SLC24A4: variants seen among roughly 807,000 people sequenced by gnomAD.
SLC24A4 encodes the protein sodium/potassium/calcium exchanger 4.
In SLC24A4, 53 loss-of-function variants were observed where a neutral mutation model predicts 79.0. The observed-to-expected ratio is 0.67, with a 90% CI of 0.54 to 0.84. SLC24A4 has a LOEUF of 0.84. Ranked by LOEUF, SLC24A4 falls within the 40% of genes least tolerant of loss-of-function variation. The pLI is 0.00. For synonymous variants in SLC24A4, 323 were observed against 323.8 expected (o/e 1.00, Z 0.03); for missense variants, 731 against 822.0 (o/e 0.89, Z 1.35).
chr14:92,405,420 C>A (rs1351673408), intron 2 of SLC24A4, among the ~76,000 whole-genome samples: 2 of 152,220 alleles, frequency 1.3e-5, no homozygotes, highest in Non-Finnish European at 2.9e-5. Context: ...ATGAGCCTCA[C>A]TCCAGTAGTG....
chr14:92,330,042 A>G (rs1358734442), intron 2 of SLC24A4, among the ~76,000 whole-genome samples: 1 of 152,160 alleles, frequency 6.6e-6, no homozygotes, highest in Non-Finnish European at 1.5e-5. Flanking sequence ...ATACTTTTTA[A>G]GAGCTCCCAG....
At chr14:92,326,216 T>C (rs1566686116) in intron 2 of SLC24A4, among the ~76,000 whole-genome samples, 1 of 152,242 alleles carries the variant, frequency 6.6e-6, no homozygotes, top group Non-Finnish European at 1.5e-5. Context: ...AGTTTAAAAA[T>C]GTTACTTTTT....
At chr14:92,344,803 C>G (rs1886432307) in intron 2 of SLC24A4, among the ~76,000 whole-genome samples, 1 of 152,156 alleles carries the variant, frequency 6.6e-6, no homozygotes, top group East Asian at 1.9e-4. Flanking sequence ...AGGGAGGGAG[C>G]TTTGTTCTGT....
chr14:92,445,484 C>A, intron 8 of SLC24A4, 142 bp downstream of exon 8: 1 of 956,780 alleles, frequency 1.0e-6, no homozygotes, highest in Non-Finnish European at 1.5e-6. Flanking sequence ...AAAAGATATT[C>A]TAAGCAGTCA....
intron 2 of SLC24A4, among the ~76,000 whole-genome samples, chr14:92,431,537 A>G (rs1427610118): frequency 2.0e-5 from 3 of 152,194 alleles, no homozygotes; most frequent in Non-Finnish European, 4.4e-5. Flanking sequence ...GAGGATTTTA[A>G]TCCTGAACTG....
At chr14:92,442,258 G>A in intron 5 of SLC24A4, 85 bp downstream of exon 5, 1 of 1,078,896 alleles carries the variant, frequency 9.3e-7, no homozygotes, top group Non-Finnish European at 1.4e-6. Flanking sequence ...TCAGCTCTGA[G>A]CCTCAGTTTT....
intron 2 of SLC24A4, among the ~76,000 whole-genome samples, chr14:92,382,276 C>T (rs547290176): frequency 1.4e-4 from 21 of 152,106 alleles, no homozygotes; most frequent in Middle Eastern, 3.4e-3. Context: ...AATTATCAAA[C>T]ATATATATAT....
At chr14:92,355,900 G>A (rs932994768) in intron 2 of SLC24A4, among the ~76,000 whole-genome samples, 1 of 152,166 alleles carries the variant, frequency 6.6e-6, no homozygotes, top group Non-Finnish European at 1.5e-5. Context: ...GTTTGTGGGT[G>A]TGTTTATACC....
intron 2 of SLC24A4, among the ~76,000 whole-genome samples, chr14:92,425,147 C>G (rs918176006): frequency 1.3e-5 from 2 of 152,180 alleles, no homozygotes; most frequent in Non-Finnish European, 2.9e-5. Context: ...TGTGAAGACA[C>G]AGGCAGAAGG....
Position 92,453,851 on chromosome 14 carries a change from G to A in SLC24A4, c.881-49G>A, listed in dbSNP as rs893640372. On this transcript the variant is annotated intron_variant, in intron 10 of 16. Coordinates refer to ENST00000532405, the MANE Select transcript of SLC24A4 (RefSeq NM_153646.4). Reference sequence around the variant, plus strand: ...GGAAGTCAGTGGCCCCAGCACTTGGGTGTTGTCCTCAGAGAGATCAGCACT... The same window carrying A: ...GGAAGTCAGTGGCCCCAGCACTTGGATGTTGTCCTCAGAGAGATCAGCACT... 7 of 1,528,510 alleles carry A rather than the reference G, an allele frequency of 4.6e-6. No homozygotes were observed. In the African/African-American group the frequency reaches 7.1e-5, roughly 15 times the overall value. The allele number at this position is 1,528,510 out of a possible 1,614,324, so 94.7% of individuals were successfully genotyped here. A position where few individuals can be genotyped will look rare whatever the true frequency, so the allele number is the denominator to read the frequency against.
chr14:92,474,587 C>G (rs575382285), intron 12 of SLC24A4, among the ~76,000 whole-genome samples: 4 of 151,286 alleles, frequency 2.6e-5, no homozygotes, highest in Non-Finnish European at 2.9e-5. Context: ...CGGATTCAAG[C>G]GATTCTCCTG....
chr14:92,352,874 C>T (rs1886971406), intron 2 of SLC24A4, among the ~76,000 whole-genome samples: 1 of 152,184 alleles, frequency 6.6e-6, no homozygotes, highest in African/African-American at 2.4e-5. Flanking sequence ...TGCCATCATC[C>T]ATCTATGGAA....
At chr14:92,403,047 G>C (rs1018432163) in intron 2 of SLC24A4, among the ~76,000 whole-genome samples, 1 of 152,108 alleles carries the variant, frequency 6.6e-6, no homozygotes, top group Admixed American at 6.5e-5. Flanking sequence ...TTCTGTCTTG[G>C]GGCTCTGCCA....
intron 14 of SLC24A4, among the ~76,000 whole-genome samples, chr14:92,489,540 A>G (rs1895559803): frequency 6.6e-6 from 1 of 152,090 alleles, no homozygotes; most frequent in African/African-American, 2.4e-5. Context: ...GAGGCACCAT[A>G]TCCTGGCCTC....
chr14:92,486,683 C>T lies in SLC24A4; in HGVS notation c.1440C>T (p.Tyr480=). The T allele has an allele frequency of 6.2e-7, 1 of 1,613,812 alleles. No homozygotes were observed. The highest frequency in any genetic ancestry group is 8.5e-7 in the Non-Finnish European group (1 of 1,179,716). ...TTCTGCAGGTGACTATTATCGGATA[C>T]ACACTTGGGATCCCGGATGTCATCA... is the stretch of plus-strand genomic sequence containing the variant. The part of the protein sequence containing the change: ...IMVWLVTIIG[Y]TLGIPDVIMG... Residue 480 remains tyrosine, a synonymous_variant, in exon 14 of 17, where the codon TAC becomes TAT. Transcript: ENST00000532405.
chr14:92,443,638 C>A (rs1013146063), intron 7 of SLC24A4, among the ~76,000 whole-genome samples, 164 bp downstream of exon 7: 1 of 152,214 alleles, frequency 6.6e-6, no homozygotes, highest in Non-Finnish European at 1.5e-5. Context: ...AGCGCCCCGA[C>A]CCCCAGCACT....
intron 3 of SLC24A4, among the ~76,000 whole-genome samples, chr14:92,437,225 C>T: frequency 6.6e-6 from 1 of 152,224 alleles, no homozygotes; most frequent in African/African-American, 2.4e-5. Flanking sequence ...TCCACTCTCT[C>T]TATTCTACCT....
chr14:92,417,344 T>C (rs974129032), intron 2 of SLC24A4, among the ~76,000 whole-genome samples: 31 of 152,034 alleles, frequency 2.0e-4, no homozygotes, highest in Non-Finnish European at 3.8e-4. Context: ...GTTAAAAACA[T>C]TTAAAAAAGA....
chr14:92,332,048 G>C (rs1018832874), intron 2 of SLC24A4, among the ~76,000 whole-genome samples: 1 of 152,138 alleles, frequency 6.6e-6, no homozygotes, highest in Admixed American at 6.5e-5. Context: ...AGAGGCTGAG[G>C]CAGGCAGATC....
Sources: gnomAD v4.1 joint callset for allele counts (sites outside exome capture counted in the v4.1 genomes callset) on GRCh38, gnomAD v4.1.1 for gene constraint, MANE v1.5 for transcripts, NCBI Gene and HGNC (gene_info 2026-07-23, HGNC 2026-07-21) for gene names.